Variants in ZDHHC17 observed in about 807,000 individuals in gnomAD.
The protein encoded by ZDHHC17 is palmitoyltransferase ZDHHC17.
ZDHHC17 carries 40 observed loss-of-function variants against 90.3 expected under a neutral mutation model. The ratio of observed to expected loss-of-function variants is 0.44; its 90% confidence interval spans 0.34 to 0.58. The LOEUF (loss-of-function observed/expected upper bound fraction) is 0.58, where lower values mean the gene tolerates loss of function less well. Ranked by LOEUF, ZDHHC17 falls within the 20% of genes least tolerant of loss-of-function variation. The probability of loss-of-function intolerance (pLI) is 0.01; values close to 1 mark genes in which losing one functional copy is unlikely to be tolerated. For synonymous variants in ZDHHC17, 235 were observed against 252.4 expected (o/e 0.93, Z 0.65); for missense variants, 614 against 780.8 (o/e 0.79, Z 2.55).
chr12:76,813,437 G>A, intron 5 of ZDHHC17: 2 of 413,954 alleles, frequency 4.8e-6, no homozygotes, highest in Non-Finnish European at 4.8e-6. Flanking sequence ...AACATTCTAT[G>A]ACAGTATGCA....
intron 1 of ZDHHC17, among the ~76,000 whole-genome samples, chr12:76,771,061 A>G (rs935649860): frequency 6.6e-6 from 1 of 152,072 alleles, no homozygotes; most frequent in Non-Finnish European, 1.5e-5. Context: ...GTATTATTTT[A>G]TGAATAGATT....
chr12:76,829,906 G>A (rs1424962471), intron 10 of ZDHHC17, among the ~76,000 whole-genome samples: 2 of 152,002 alleles, frequency 1.3e-5, no homozygotes, highest in African/African-American at 4.8e-5. Flanking sequence ...ATGGCTCACT[G>A]CAGCTTGAAC....
chr12:76,819,380 C>T lies in ZDHHC17; in HGVS notation c.772-3026C>T, dbSNP rs565087684. On this transcript the variant is annotated intron_variant, in intron 7 of 16. Coordinates refer to ENST00000426126, the MANE Select transcript of ZDHHC17 (RefSeq NM_015336.4). ...AAATTTATTTATACCTATGCTTTTT[C>T]CATTTTTAAGTCTTAAGAAAGAATC... Among the ~76,000 whole-genome samples, 418 of 152,150 alleles carry T rather than the reference C, an allele frequency of 2.7e-3. 5 individuals carry two copies. The highest frequency in any genetic ancestry group is 9.4e-3 in the African/African-American group (392 of 41,532).
chr12:76,795,445 G>A (rs1310032623), intron 1 of ZDHHC17, among the ~76,000 whole-genome samples: 1 of 152,036 alleles, frequency 6.6e-6, no homozygotes, highest in African/African-American at 2.4e-5. Flanking sequence ...ATATTATTCT[G>A]TTCTCCCTGA....
At chr12:76,847,921 A>AT (rs1391813399) in intron 14 of ZDHHC17, among the ~76,000 whole-genome samples, 1 of 152,086 alleles carries the variant, frequency 6.6e-6, no homozygotes, top group Admixed American at 6.6e-5. Flanking sequence ...AATCTCTTTC[A>AT]TATATCCTCT....
intron 7 of ZDHHC17, 137 bp from the exon 8 acceptor site, chr12:76,822,269 G>T: frequency 9.9e-7 from 1 of 1,013,400 alleles, no homozygotes; most frequent in Non-Finnish European, 1.4e-6. Flanking sequence ...AATGATGCAG[G>T]TGTTTTTAGT....
chr12:76,777,352 G>A (rs1952570439), intron 1 of ZDHHC17, among the ~76,000 whole-genome samples: 1 of 152,158 alleles, frequency 6.6e-6, no homozygotes, highest in Admixed American at 6.5e-5. Flanking sequence ...TCAGGTTGTT[G>A]TGTGTATCAG....
At chr12:76,815,827 TTG>T (rs1452508798) in intron 6 of ZDHHC17, 28 bp from the exon 7 acceptor site, 6 of 1,461,162 alleles carry the variant, frequency 4.1e-6, no homozygotes, top group Admixed American at 2.8e-5. Context: ...GTTGTTGTTG[TTG>T]TTTGTTTTTT....
At chr12:76,764,745 G>A (rs1026849044) in intron 1 of ZDHHC17, 7 of 464,454 alleles carry the variant, frequency 1.5e-5, no homozygotes, top group African/African-American at 1.4e-4. Context: ...GGTGAATGAC[G>A]GTATCTATTG....
chr12:76,851,068 A>G lies in ZDHHC17; in HGVS notation c.*83A>G. On this transcript the variant is annotated 3_prime_UTR_variant, in exon 17 of 17. Coordinates refer to ENST00000426126, the MANE Select transcript of ZDHHC17 (RefSeq NM_015336.4). ...GTGTCTTTCTCACACTCGAATCCAC[A>G]TCCTTTGAACAAGAGCATGCTATGT... 1.9e-6 allele frequency: 3 copies of G among 1,560,332 alleles called. No individual in the cohort carries two copies. The highest frequency in any genetic ancestry group is 2.3e-5 in the East Asian group (1 of 44,080).
intron 5 of ZDHHC17, among the ~76,000 whole-genome samples, chr12:76,813,857 A>G (rs1255579677): frequency 6.6e-6 from 1 of 152,116 alleles, no homozygotes; most frequent in Non-Finnish European, 1.5e-5. Flanking sequence ...TTAATGAGGA[A>G]GCTAAGACTA....
chr12:76,827,194 T>C (rs1010123791), intron 9 of ZDHHC17, 144 bp downstream of exon 9: 3 of 960,278 alleles, frequency 3.1e-6, no homozygotes, highest in Non-Finnish European at 2.8e-6. Flanking sequence ...AAATATGAGA[T>C]TTTTTAAACA....
intron 1 of ZDHHC17, 104 bp downstream of exon 1, chr12:76,764,433 G>C: frequency 8.9e-7 from 1 of 1,122,390 alleles, no homozygotes. Context: ...AGTGGGACGT[G>C]CCGAAGTTGG....
chr12:76,766,367 A>G (rs779501309), intron 1 of ZDHHC17, among the ~76,000 whole-genome samples: 12 of 152,224 alleles, frequency 7.9e-5, no homozygotes, highest in Non-Finnish European at 1.3e-4. Context: ...CAGCTGGTGC[A>G]GACCTGGGGT....
rs780081542 is a variant in ZDHHC17, at chr12:76,845,789, G to T, written c.1410G>T (p.Val470=). ...IAKFDHHCPW[V]GNCVGAGNHR... ...AATTTGATCATCATTGCCCATGGGT[G>T]GGTAACTGTGTAGGTAAGTTGTATT... is the stretch of plus-strand genomic sequence containing the variant. Residue 470 remains valine, a synonymous_variant, in exon 13 of 17, where the codon GTG becomes GTT. Coordinates refer to ENST00000426126, the MANE Select transcript of ZDHHC17 (RefSeq NM_015336.4). 25 of 1,601,670 alleles carry T rather than the reference G, an allele frequency of 1.6e-5. No individual in the cohort carries two copies. Among genetic ancestry groups the T allele is most frequent in the Non-Finnish European group, 2.1e-5 (25 of 1,169,500 alleles).
At chr12:76,813,248 C>A (rs1953046547) in intron 5 of ZDHHC17, 1 of 381,726 alleles carries the variant, frequency 2.6e-6, no homozygotes, top group African/African-American at 2.1e-5. Flanking sequence ...ACAATAGTTA[C>A]TTCTCATATA....
chr12:76,786,612 C>T (rs918046368), intron 1 of ZDHHC17, among the ~76,000 whole-genome samples: 5 of 152,182 alleles, frequency 3.3e-5, no homozygotes, highest in Non-Finnish European at 7.3e-5. Flanking sequence ...TGGTCTCAAA[C>T]TCCTGGCCGC....
intron 10 of ZDHHC17, among the ~76,000 whole-genome samples, chr12:76,839,057 G>A (rs1953401876): frequency 1.3e-5 from 2 of 152,182 alleles, no homozygotes; most frequent in South Asian, 4.1e-4. Flanking sequence ...GGAGAAAGAG[G>A]AAGAAATCTC....
In ZDHHC17 at chr12:76,816,466, C is replaced by T. The variant is rs193250965; in HGVS notation, c.771+447C>T. Among the ~76,000 whole-genome samples, 533 of 152,152 alleles carry T rather than the reference C, an allele frequency of 3.5e-3. 2 individuals are homozygous for T. Among genetic ancestry groups the T allele is most frequent in the Middle Eastern group, 0.034 (10 of 294 alleles). ...CAGGATCCACCATGTCTTTCAGCAA[C>T]GAACTCGTTCTGCGAAATTACTTTA... On this transcript the variant is annotated intron_variant, in intron 7 of 16. Transcript: ENST00000426126.
Sources: gnomAD v4.1 joint callset for allele counts (sites outside exome capture counted in the v4.1 genomes callset) on GRCh38, gnomAD v4.1.1 for gene constraint, MANE v1.5 for transcripts, NCBI Gene and HGNC (gene_info 2026-07-23, HGNC 2026-07-21) for gene names.